SP110: variants seen among roughly 807,000 people sequenced by gnomAD.
The protein encoded by SP110 is interferon-induced protein 41, 30kD.
A neutral mutation model predicts 92.7 loss-of-function variants in SP110; 62 were observed. That is an observed-to-expected ratio of 0.67 (90% CI 0.55 to 0.83). The LOEUF is 0.83. Among genes scored for constraint, SP110 ranks in the 40% least tolerant of loss-of-function variants. The probability of loss-of-function intolerance (pLI) is 0.00; values close to 1 mark genes in which losing one functional copy is unlikely to be tolerated. For missense variants in SP110, 793 were observed against 863.9 expected (o/e 0.92, Z 1.03); for synonymous variants, 273 against 305.3 (o/e 0.89, Z 1.10).
chr2:230,176,679 ACT>A (rs1182182567), intron 14 of SP110: 1 of 1,613,806 alleles, frequency 6.2e-7, no homozygotes, highest in East Asian at 2.2e-5. Flanking sequence ...TTGCTATTTA[ACT>A]CTCTCTTGAG....
chr2:230,218,037 T>C (rs976337922), intron 1 of SP110, among the ~76,000 whole-genome samples: 7 of 152,220 alleles, frequency 4.6e-5, no homozygotes, highest in Non-Finnish European at 7.3e-5. Context: ...CCATGCAGCA[T>C]GTATTAAAGA....
At chr2:230,190,201 C>T (rs1348464219) in intron 10 of SP110, among the ~76,000 whole-genome samples, 1 of 152,200 alleles carries the variant, frequency 6.6e-6, no homozygotes, top group African/African-American at 2.4e-5. Flanking sequence ...TTCTCCACAG[C>T]CTCACCAGCA....
chr2:230,225,515 T>C (rs2046212343), intron 1 of SP110: 6 of 399,350 alleles, frequency 1.5e-5, no homozygotes, highest in South Asian at 1.3e-4. Flanking sequence ...GTTTACTTCC[T>C]CCTCATGATG....
At chr2:230,218,122 A>G (rs554393651) in intron 1 of SP110, among the ~76,000 whole-genome samples, 22 of 152,384 alleles carry the variant, frequency 1.4e-4, no homozygotes, top group African/African-American at 5.0e-4. Flanking sequence ...CATTCTTGAC[A>G]AATTGTCAAG....
rs1284533852 is a variant in SP110, at chr2:230,212,938, G to A, written c.406C>T (p.Pro136Ser). 1.9e-6 allele frequency: 3 copies of A among 1,613,948 alleles called. No homozygotes were observed. Among genetic ancestry groups the A allele is most frequent in the Admixed American group, 1.7e-5 (1 of 60,006 alleles). ...GLAEGSSLHTPLALPPPQPPQ... is the reference protein window; with the variant it reads ...GLAEGSSLHTSLALPPPQPPQ... ...GGTTGTGGTGGGGGCAGCGCCAGTGGGGTATGGAGGGAGCTTCCTTCTGCT... is the reference window on the plus strand; with the variant it reads ...GGTTGTGGTGGGGGCAGCGCCAGTGAGGTATGGAGGGAGCTTCCTTCTGCT... Residue 136 changes from proline (P) to serine (S), a missense_variant, in exon 4 of 19, where the codon CCA (proline) becomes TCA (serine). Coordinates refer to ENST00000258381, the MANE Select transcript of SP110 (RefSeq NM_080424.4).
At chr2:230,171,283 G>C (rs6436916) in intron 17 of SP110, among the ~76,000 whole-genome samples, 41,864 of 152,100 alleles carry the variant, frequency 0.28, 5,866 homozygotes, top group Non-Finnish European at 0.3. Flanking sequence ...GTAGAGATGG[G>C]GTTTTGCCAT....
At chr2:230,177,283 T>G (rs2041907800) in intron 14 of SP110, 2 of 504,660 alleles carry the variant, frequency 4.0e-6, no homozygotes, top group Non-Finnish European at 7.2e-6. Context: ...GGTTCTTACA[T>G]CTCTCTTCAC....
In SP110 at chr2:230,184,496, C is replaced by T. The variant is rs1479487326; in HGVS notation, c.1280-856G>A. Among the ~76,000 whole-genome samples the T allele has an allele frequency of 4.6e-5, 7 of 152,178 alleles. No homozygotes were observed. The South Asian group carries it at 1.0e-3, about 23-fold the overall frequency. On this transcript the variant is annotated intron_variant, in intron 11 of 18. Transcript: ENST00000258381. Reference sequence around the variant, plus strand: ...ATCCCATGACACACACGACAGCCTCCGAAGCAAAGAATTATTCAGTCCAAA... The same window carrying T: ...ATCCCATGACACACACGACAGCCTCTGAAGCAAAGAATTATTCAGTCCAAA...
intron 8 of SP110, among the ~76,000 whole-genome samples, chr2:230,204,497 T>C (rs2148873118): frequency 6.6e-6 from 1 of 152,312 alleles, no homozygotes; most frequent in African/African-American, 2.4e-5. Context: ...CACCACGTGG[T>C]GCCCATAATG....
intron 12 of SP110, 140 bp from the exon 13 acceptor site, chr2:230,178,395 G>A (rs537840195): frequency 2.3e-4 from 155 of 661,846 alleles, no homozygotes; most frequent in Middle Eastern, 7.4e-4. Flanking sequence ...CTTTCATCTC[G>A]AGTGACAGAT....
upstream of SP110, among the ~76,000 whole-genome samples, chr2:230,222,301 T>C (rs1230529302): frequency 6.6e-6 from 1 of 152,002 alleles, no homozygotes; most frequent in Admixed American, 6.6e-5. Context: ...TTAATTCACA[T>C]GCTAGTGATT....
At chr2:230,212,669 C>T in intron 4 of SP110, 92 bp downstream of exon 4, 1 of 1,505,492 alleles carries the variant, frequency 6.6e-7, no homozygotes, top group Non-Finnish European at 9.2e-7. Context: ...AGAACTAGGA[C>T]AATAAAAGTC....
At chr2:230,213,078 T>C (rs760907749) in intron 3 of SP110, 51 bp from the exon 4 acceptor site, 8 of 1,591,388 alleles carry the variant, frequency 5.0e-6, no homozygotes. Flanking sequence ...TCAGAATTAC[T>C]TGGGGAAGGG....
intron 14 of SP110, chr2:230,173,457 C>A: frequency 5.4e-6 from 1 of 184,194 alleles, no homozygotes; most frequent in Non-Finnish European, 1.2e-5. Flanking sequence ...GATGCTATGA[C>A]CCAGTAAATA....
At chr2:230,177,428 A>G (rs2041915060) in intron 14 of SP110, 110 bp downstream of exon 14, 1 of 1,175,316 alleles carries the variant, frequency 8.5e-7, no homozygotes, top group Non-Finnish European at 1.3e-6. Flanking sequence ...AACTCCTTAT[A>G]AATCATGCTG....
At chr2:230,215,839 G>A (rs1353531236) in intron 2 of SP110, among the ~76,000 whole-genome samples, 1 of 152,198 alleles carries the variant, frequency 6.6e-6, no homozygotes, top group African/African-American at 2.4e-5. Context: ...ATTGAGAGTA[G>A]TGTTACGGAG....
intron 8 of SP110, among the ~76,000 whole-genome samples, chr2:230,204,830 T>C (rs1344641983): frequency 6.6e-6 from 1 of 152,164 alleles, no homozygotes; most frequent in Non-Finnish European, 1.5e-5. Flanking sequence ...GAAAAGGAGA[T>C]AACTAAACAT....
rs1171782267 is a variant in SP110 at position 230,186,158 on chromosome 2, C to T, written c.1130-15G>A. ...TGAGGCTGCCCCTGGACCAAATAGA[C>T]TTGTGAATAGTTTAGTGAGCTCCCT... On this transcript the variant is annotated splice_polypyrimidine_tract_variant and intron_variant, in intron 10 of 18. Transcript: ENST00000258381. 6.2e-7 allele frequency: 1 copy of T among 1,613,810 alleles called. No individual in the cohort carries two copies. The highest frequency in any genetic ancestry group is 1.1e-5 in the South Asian group (1 of 91,080).
At chr2:230,213,152 C>A in intron 3 of SP110, 125 bp from the exon 4 acceptor site, 1 of 931,620 alleles carries the variant, frequency 1.1e-6, no homozygotes, top group African/African-American at 1.6e-5. Context: ...CCCCCAGGTG[C>A]AGAGAACTGA....
Sources: gnomAD v4.1 joint callset for allele counts (sites outside exome capture counted in the v4.1 genomes callset) on GRCh38, gnomAD v4.1.1 for gene constraint, MANE v1.5 for transcripts, NCBI Gene and HGNC (gene_info 2026-07-23, HGNC 2026-07-21) for gene names.